SMG6: variants seen among roughly 807,000 people sequenced by gnomAD.
The protein encoded by SMG6 is telomerase-binding protein EST1A.
In SMG6, 66 loss-of-function variants were observed where a neutral mutation model predicts 142.2. That is an observed-to-expected ratio of 0.46 (90% CI 0.38 to 0.57). The LOEUF is 0.57. Among genes scored for constraint, SMG6 ranks in the 20% least tolerant of loss-of-function variants. The pLI, the probability that SMG6 is intolerant of heterozygous loss-of-function variation, is 0.00. For missense variants in SMG6, 1,793 were observed against 1,832.0 expected (o/e 0.98, Z 0.39); for synonymous variants, 779 against 702.4 (o/e 1.11, Z -1.72).
Position 2,085,819 on chromosome 17 carries a change from G to A in SMG6, c.3440C>T (p.Ala1147Val). The A allele has an allele frequency of 6.2e-7, 1 of 1,614,174 alleles. No individual in the cohort carries two copies. Among genetic ancestry groups the A allele is most frequent in the Non-Finnish European group, 8.5e-7 (1 of 1,180,006 alleles). Residue 1147 changes from alanine (A) to valine (V), a missense_variant, in exon 14 of 19, where the codon GCA becomes GTA. Ala to Val is a moderately conservative substitution (Grantham distance 64). Transcript: ENST00000263073. The surrounding 1 kb of genome is among the most constrained non-coding windows in gnomAD (Gnocchi z 4.1). ...ALCGQEEPLL[A>V]FKGGKYVSVA... ...TGACACATACTTTCCACCCTTGAAT[G>A]CCAGCAGAGGCTCTTCTTGTCCACA...
Position 2,282,707 on chromosome 17 carries a change from G to A in SMG6, c.2601C>T (p.Gly867=), listed in dbSNP as rs764121459. The A allele has an allele frequency of 8.1e-6, 13 of 1,613,958 alleles. No homozygotes were observed. The highest frequency in any genetic ancestry group is 9.3e-6 in the Non-Finnish European group (11 of 1,180,000). ...IHPSHPRSSQ[G]TESGKDSEQE... is the part of the protein sequence containing the mutation. Reference sequence around the variant, plus strand: ...GCTCAGAATCCTTCCCAGACTCAGTGCCCTGGGAAGACCGTGGATGGGATG... The same window carrying A: ...GCTCAGAATCCTTCCCAGACTCAGTACCCTGGGAAGACCGTGGATGGGATG... Residue 867 remains glycine, a synonymous_variant, in exon 8 of 19, where the codon GGC becomes GGT. Coordinates refer to ENST00000263073, the MANE Select transcript of SMG6 (RefSeq NM_017575.5).
In SMG6 at chr17:2,252,033, G is replaced by A. The variant is rs142759868; in HGVS notation, c.2662-7314C>T. 2.1e-3 allele frequency among the ~76,000 whole-genome samples: 318 copies of A among 152,014 alleles called. 1 individual carries two copies. The highest frequency in any genetic ancestry group is 7.4e-3 in the African/African-American group (306 of 41,436). On this transcript the variant is annotated intron_variant, in intron 8 of 18. Transcript: ENST00000263073. ...GGAGAATCGCTTGAACCAGGAGACG[G>A]AGGTTGCAGTGAGCCAAGATCGCAC...
At chr17:2,161,123 T>TA (rs1249114363) in intron 13 of SMG6, among the ~76,000 whole-genome samples, 2 of 139,146 alleles carry the variant, frequency 1.4e-5, no homozygotes, top group South Asian at 2.2e-4. Flanking sequence ...TTTTTTTTTT[T>TA]AGAGATGGAG....
At chr17:2,164,966 T>A (rs572899813) in intron 13 of SMG6, among the ~76,000 whole-genome samples, 3 of 151,912 alleles carry the variant, frequency 2.0e-5, no homozygotes, top group African/African-American at 2.4e-5. Flanking sequence ...CTTGATGACA[T>A]CTGCAAAGGT....
At chr17:2,063,514 G>T (rs1461621472) in intron 18 of SMG6, among the ~76,000 whole-genome samples, 1 of 152,170 alleles carries the variant, frequency 6.6e-6, no homozygotes, top group African/African-American at 2.4e-5. Context: ...GGGGTGGGAG[G>T]ACTAGTAGGA....
At chr17:2,276,627 C>A (rs542248089) in intron 8 of SMG6, among the ~76,000 whole-genome samples, 1 of 152,260 alleles carries the variant, frequency 6.6e-6, no homozygotes, top group Non-Finnish European at 1.5e-5. Context: ...CTCAGGTGAT[C>A]CACCCACCTC....
intron 9 of SMG6, chr17:2,237,515 G>A (rs2073696941): frequency 9.1e-6 from 9 of 985,490 alleles, no homozygotes; most frequent in Non-Finnish European, 1.1e-5. Context: ...CCAGTCATCT[G>A]TCTCAGTTCT....
intron 10 of SMG6, among the ~76,000 whole-genome samples, chr17:2,196,958 G>A (rs2072349210): frequency 6.6e-6 from 1 of 152,086 alleles, no homozygotes; most frequent in Non-Finnish European, 1.5e-5. Flanking sequence ...ATAAAACCTT[G>A]ACCTAACTTT....
Position 2,298,867 on chromosome 17 carries a change from A to G in SMG6, c.1847+39T>C, listed in dbSNP as rs753275171. On this transcript the variant is annotated intron_variant, in intron 2 of 18. Transcript: ENST00000263073. ...ATAGCAATCTATACACCTCCGGCTGATCCCCATTTCCCTCCAGCCAGAATA... is the reference window on the plus strand; with the variant it reads ...ATAGCAATCTATACACCTCCGGCTGGTCCCCATTTCCCTCCAGCCAGAATA... 1.0e-4 allele frequency: 164 copies of G among 1,569,692 alleles called. 1 individual carries two copies. Among genetic ancestry groups the G allele is most frequent in the Non-Finnish European group, 1.3e-4 (148 of 1,153,940 alleles).
chr17:2,216,438 G>A (rs1325113447), intron 10 of SMG6, among the ~76,000 whole-genome samples: 1 of 151,908 alleles, frequency 6.6e-6, no homozygotes, highest in Non-Finnish European at 1.5e-5. Context: ...CATCTCAAAG[G>A]GATTCTGATG....
intron 10 of SMG6, among the ~76,000 whole-genome samples, chr17:2,231,359 A>ACACTCCC (rs761913835): frequency 1.1e-3 from 165 of 152,256 alleles, no homozygotes; most frequent in Non-Finnish European, 1.9e-3. Context: ...CCCACATGTG[A>ACACTCCC]CACTCCCTCT....
chr17:2,297,371 G>T lies in SMG6; in HGVS notation c.2041-18C>A. On this transcript the variant is annotated intron_variant, in intron 3 of 18. Transcript: ENST00000263073. The stretch of plus-strand genomic sequence containing the variant: ...TCACTACCCTATAAAAAGAAAAAAA[G>T]AAATGACTGAATCAATCTATTCTAA... The T allele has an allele frequency of 1.3e-6, 2 of 1,563,600 alleles. No homozygotes were observed. The highest frequency in any genetic ancestry group is 1.7e-6 in the Non-Finnish European group (2 of 1,147,890).
intron 10 of SMG6, among the ~76,000 whole-genome samples, chr17:2,235,531 G>C (rs899300640): frequency 6.6e-6 from 1 of 152,140 alleles, no homozygotes; most frequent in African/African-American, 2.4e-5. Context: ...AAGAGACCCA[G>C]CGCCACTCTG....
chr17:2,211,226 TAGAC>T (rs1352315333), intron 10 of SMG6, among the ~76,000 whole-genome samples: 1 of 151,662 alleles, frequency 6.6e-6, no homozygotes, highest in Non-Finnish European at 1.5e-5. Flanking sequence ...AAAAAATACA[TAGAC>T]AAATTCTAAT....
At chr17:2,168,608 A>C (rs2071411144) in intron 13 of SMG6, among the ~76,000 whole-genome samples, 1 of 152,020 alleles carries the variant, frequency 6.6e-6, no homozygotes, top group Non-Finnish European at 1.5e-5. Flanking sequence ...TCTTTTACAA[A>C]ATTTGAAGGG....
chr17:2,169,612 G>A (rs552110011), intron 13 of SMG6, among the ~76,000 whole-genome samples: 28 of 152,282 alleles, frequency 1.8e-4, no homozygotes, highest in South Asian at 4.1e-4. Context: ...AGGCATGAGC[G>A]CTTGGTTTGT....
intron 8 of SMG6, chr17:2,265,852 G>T: frequency 3.6e-6 from 1 of 281,392 alleles, no homozygotes; most frequent in Non-Finnish European, 5.4e-6. Context: ...AAGTGTGATG[G>T]AGTATGCTAT....
intron 8 of SMG6, among the ~76,000 whole-genome samples, chr17:2,248,920 T>G (rs576694578): frequency 1.9e-4 from 29 of 151,774 alleles, no homozygotes; most frequent in African/African-American, 6.5e-4. Context: ...AGAGTCTTGC[T>G]CTTTCACCCA....
chr17:2,088,757 T>C, intron 13 of SMG6: 1 of 985,344 alleles, frequency 1.0e-6, no homozygotes, highest in Non-Finnish European at 1.2e-6. Flanking sequence ...AGAGGCAGAA[T>C]GTCCAGGGCT....
Sources: allele counts gnomAD v4.1 joint callset (sites outside exome capture counted in the v4.1 genomes callset), GRCh38; gene constraint gnomAD v4.1.1; non-coding constraint Gnocchi (gnomAD v3.1); transcripts MANE v1.5; gene names NCBI Gene and HGNC (gene_info 2026-07-23, HGNC 2026-07-21).